PAMR1: variants seen among roughly 807,000 people sequenced by gnomAD.
PAMR1 encodes inactive serine protease PAMR1.
A neutral mutation model predicts 81.8 loss-of-function variants in PAMR1; 88 were observed. That is an observed-to-expected ratio of 1.08 (90% confidence interval 0.91 to 1.28). The LOEUF is 1.28. Ranked by LOEUF, PAMR1 falls within the 50% of genes most tolerant of loss-of-function variation. The pLI, the probability that PAMR1 is intolerant of heterozygous loss-of-function variation, is 0.00. For missense variants in PAMR1, 935 were observed against 919.7 expected, an observed-to-expected ratio of 1.02 and a Z score of -0.21; for synonymous variants, 336 against 345.3, an observed-to-expected ratio of 0.97 and a Z score of 0.30.
intron 4 of PAMR1, among the ~76,000 whole-genome samples, chr11:35,474,237 G>A (rs1422443034): frequency 6.6e-6 from 1 of 152,236 alleles, no homozygotes; most frequent in East Asian, 1.9e-4. Context: ...TAAAGGAGCT[G>A]TGACAAGCAT....
intron 8 of PAMR1, among the ~76,000 whole-genome samples, chr11:35,436,631 C>T (rs560457006): frequency 4.0e-5 from 6 of 149,056 alleles, no homozygotes; most frequent in African/African-American, 1.3e-4. Flanking sequence ...CTCTTTCTGT[C>T]TCTCTGTTTC....
At chr11:35,501,988 T>C (rs1449143376) in intron 1 of PAMR1, among the ~76,000 whole-genome samples, 1 of 152,210 alleles carries the variant, frequency 6.6e-6, no homozygotes, top group East Asian at 1.9e-4. Flanking sequence ...TTTAGTTTGC[T>C]GAGAAACCTC....
chr11:35,450,909 A>T (rs1856404033), intron 6 of PAMR1, among the ~76,000 whole-genome samples: 1 of 152,234 alleles, frequency 6.6e-6, no homozygotes, highest in Admixed American at 6.5e-5. Flanking sequence ...GCAGCCAATT[A>T]GCCTATTAAA....
intron 5 of PAMR1, among the ~76,000 whole-genome samples, chr11:35,470,200 T>G (rs997940136): frequency 1.3e-5 from 2 of 152,142 alleles, no homozygotes; most frequent in Non-Finnish European, 2.9e-5. Context: ...CCCAGTGGGG[T>G]AGAAGAACTT....
intron 1 of PAMR1, among the ~76,000 whole-genome samples, chr11:35,517,931 G>C (rs1851197808): frequency 6.6e-6 from 1 of 152,224 alleles, no homozygotes; most frequent in African/African-American, 2.4e-5. Flanking sequence ...TTGTGACAAA[G>C]ACCGATGTTA....
At chr11:35,459,537 A>T (rs1318928241) in intron 6 of PAMR1, among the ~76,000 whole-genome samples, 1 of 152,162 alleles carries the variant, frequency 6.6e-6, no homozygotes, top group Non-Finnish European at 1.5e-5. Context: ...ATTCATAGCC[A>T]ACTTCTCAAA....
chr11:35,449,090 G>C (rs1856357501), intron 6 of PAMR1, among the ~76,000 whole-genome samples: 1 of 152,196 alleles, frequency 6.6e-6, no homozygotes, highest in African/African-American at 2.4e-5. Context: ...GGCCACCCTT[G>C]TTGGGAGGTT....
At chr11:35,442,792 G>A (rs982574736) in intron 6 of PAMR1, among the ~76,000 whole-genome samples, 1 of 151,864 alleles carries the variant, frequency 6.6e-6, no homozygotes, top group Admixed American at 6.6e-5. Context: ...TAGTAGAGAT[G>A]GGGTTTCACC....
intron 4 of PAMR1, among the ~76,000 whole-genome samples, chr11:35,473,729 A>G (rs970132543): frequency 6.6e-6 from 1 of 152,204 alleles, no homozygotes; most frequent in Non-Finnish European, 1.5e-5. Flanking sequence ...GCCAGGTAGC[A>G]TGTGGTAACC....
intron 1 of PAMR1, among the ~76,000 whole-genome samples, chr11:35,501,580 C>A (rs1325843457): frequency 6.7e-6 from 1 of 148,512 alleles, no homozygotes; most frequent in South Asian, 2.1e-4. Flanking sequence ...TTTTTTTTTA[C>A]TTTTTAAACT....
chr11:35,498,893 G>T lies in PAMR1; in HGVS notation c.74-4621C>A, dbSNP rs189927581. Among the ~76,000 whole-genome samples, 2 of 152,268 alleles carry T rather than the reference G, an allele frequency of 1.3e-5. 1 individual carries two copies. Among genetic ancestry groups the T allele is most frequent in the East Asian group, 3.9e-4 (2 of 5,184 alleles). On this transcript the variant is annotated intron_variant, in intron 1 of 10. Coordinates refer to ENST00000619888, the MANE Select transcript of PAMR1 (RefSeq NM_001001991.3). ...TTCGATCCCATCCGTGGTTATTTCT[G>T]TCTCACTATCCTATGTGTTTCCTTT...
At chr11:35,468,758 G>C (rs561000956) in intron 5 of PAMR1, among the ~76,000 whole-genome samples, 7 of 152,176 alleles carry the variant, frequency 4.6e-5, no homozygotes, top group Non-Finnish European at 1.0e-4. Context: ...TGAATTTCAA[G>C]CTTATTTGAC....
intron 6 of PAMR1, among the ~76,000 whole-genome samples, chr11:35,449,788 G>A (rs1253230216): frequency 1.3e-5 from 2 of 152,156 alleles, no homozygotes; most frequent in African/African-American, 4.8e-5. Context: ...TGGCAAAATT[G>A]TGGTTTCCCT....
intron 1 of PAMR1, among the ~76,000 whole-genome samples, chr11:35,503,143 C>T (rs1458795363): frequency 6.6e-6 from 1 of 152,084 alleles, no homozygotes; most frequent in African/African-American, 2.4e-5. Flanking sequence ...AATGAGGTGG[C>T]TATAAGAAAT....
chr11:35,515,979 T>C (rs1480516625), intron 1 of PAMR1, among the ~76,000 whole-genome samples: 1 of 152,202 alleles, frequency 6.6e-6, no homozygotes, highest in Non-Finnish European at 1.5e-5. Flanking sequence ...CAATTCCTTG[T>C]GAAACTTGTG....
intron 6 of PAMR1, among the ~76,000 whole-genome samples, chr11:35,464,067 T>G (rs1856713163): frequency 6.6e-6 from 1 of 152,168 alleles, no homozygotes; most frequent in Non-Finnish European, 1.5e-5. Context: ...CCACAGTAGC[T>G]CTCAAAATCA....
At chr11:35,456,879 G>A (rs932580545) in intron 6 of PAMR1, among the ~76,000 whole-genome samples, 8 of 152,166 alleles carry the variant, frequency 5.3e-5, no homozygotes, top group African/African-American at 1.9e-4. Flanking sequence ...GCTTGTGCAT[G>A]TGCACACGTG....
intron 3 of PAMR1, among the ~76,000 whole-genome samples, chr11:35,488,113 T>C (rs1191878405): frequency 6.6e-6 from 1 of 152,152 alleles, no homozygotes; most frequent in Non-Finnish European, 1.5e-5. Flanking sequence ...CTTCAGTTAG[T>C]CTTACTCTAA....
Position 35,479,284 on chromosome 11 carries a change from C to T in PAMR1, c.380-4540G>A, listed in dbSNP as rs955681393. Among the ~76,000 whole-genome samples the T allele has an allele frequency of 2.4e-4, 36 of 152,066 alleles. 1 individual carries two copies. The highest frequency in any genetic ancestry group is 6.6e-5 in the Admixed American group (1 of 15,264). ...ACAGTCTGTGATGCCAGCCGGGGTC[C>T]GAATCTTAGTTCGGCCACTTACTAG... On this transcript the variant is annotated intron_variant, in intron 3 of 10. Transcript: ENST00000619888.
Sources: gnomAD v4.1 joint callset for allele counts (sites outside exome capture counted in the v4.1 genomes callset) on GRCh38, gnomAD v4.1.1 for gene constraint, MANE v1.5 for transcripts, NCBI Gene and HGNC (gene_info 2026-07-23, HGNC 2026-07-21) for gene names.